The following CDKAL1 variants were observed in gnomAD, a reference collection of about 807,000 sequenced individuals.
CDKAL1 encodes CDKAL1 threonylcarbamoyladenosine tRNA methylthiotransferase, also known as threonylcarbamoyladenosine tRNA methylthiotransferase.
CDKAL1 carries 32 observed loss-of-function variants against 68.2 expected under a neutral mutation model. The observed-to-expected ratio is 0.47, with a 90% CI of 0.35 to 0.63. CDKAL1 has a LOEUF of 0.63. CDKAL1 is among the 30% of genes least tolerant of loss of function. CDKAL1 has a pLI of 0.00. For synonymous variants in CDKAL1, 234 were observed against 244.3 expected (o/e 0.96, Z 0.39); for missense variants, 606 against 696.7 (o/e 0.87, Z 1.47).
At chr6:21,219,923 T>C (rs990034049) in intron 15 of CDKAL1, among the ~76,000 whole-genome samples, 1 of 152,238 alleles carries the variant, frequency 6.6e-6, no homozygotes, top group African/African-American at 2.4e-5. Flanking sequence ...CAGTGCTTCC[T>C]GTGTGCGCTG....
At chr6:20,981,371 C>G (rs553657732) in intron 10 of CDKAL1, among the ~76,000 whole-genome samples, 6 of 152,166 alleles carry the variant, frequency 3.9e-5, no homozygotes, top group Non-Finnish European at 8.8e-5. Context: ...TAGCTTCATA[C>G]TTGGTATATG....
chr6:20,875,913 T>TA (rs1760489420), intron 9 of CDKAL1, among the ~76,000 whole-genome samples: 1 of 152,216 alleles, frequency 6.6e-6, no homozygotes. Flanking sequence ...TAAATAGCTT[T>TA]AAAAATATAA....
intron 12 of CDKAL1, among the ~76,000 whole-genome samples, chr6:21,091,950 G>C (rs1214671144): frequency 7.7e-6 from 1 of 129,398 alleles, no homozygotes; most frequent in Non-Finnish European, 1.5e-5. Flanking sequence ...GCAGTGGCGT[G>C]ATCTCGGCTC....
At chr6:21,098,418 G>T (rs1291767252) in intron 12 of CDKAL1, among the ~76,000 whole-genome samples, 1 of 151,834 alleles carries the variant, frequency 6.6e-6, no homozygotes, top group Non-Finnish European at 1.5e-5. Flanking sequence ...AGATTGAAGT[G>T]TTGTGTCATG....
At chr6:20,843,025 G>T (rs1377226470) in intron 8 of CDKAL1, among the ~76,000 whole-genome samples, 2 of 151,874 alleles carry the variant, frequency 1.3e-5, no homozygotes, top group African/African-American at 2.4e-5. Flanking sequence ...GTGATTTTCC[G>T]TGGGGAATAC....
chr6:21,096,023 T>G (rs776497235), intron 12 of CDKAL1, among the ~76,000 whole-genome samples: 6 of 152,156 alleles, frequency 3.9e-5, no homozygotes, highest in Non-Finnish European at 8.8e-5. Context: ...TTTTTTACAG[T>G]AGGTGCTAAA....
At chr6:20,821,647 T>C (rs1463508220) in intron 8 of CDKAL1, among the ~76,000 whole-genome samples, 4 of 152,068 alleles carry the variant, frequency 2.6e-5, no homozygotes, top group African/African-American at 4.8e-5. Flanking sequence ...GAACAGAGCC[T>C]GGCATAGAGT....
intron 7 of CDKAL1, among the ~76,000 whole-genome samples, chr6:20,772,424 A>G (rs1336306082): frequency 6.6e-6 from 1 of 152,202 alleles, no homozygotes; most frequent in Non-Finnish European, 1.5e-5. Flanking sequence ...AGATAAATTG[A>G]CACCACATAA....
intron 11 of CDKAL1, among the ~76,000 whole-genome samples, chr6:21,059,094 G>A (rs535213307): frequency 6.6e-6 from 1 of 152,182 alleles, no homozygotes; most frequent in Non-Finnish European, 1.5e-5. Context: ...AGATTTCTCT[G>A]TAAACCACTG....
intron 6 of CDKAL1, among the ~76,000 whole-genome samples, chr6:20,743,776 G>A (rs549212595): frequency 1.3e-5 from 2 of 152,304 alleles, no homozygotes; most frequent in East Asian, 3.9e-4. Context: ...GGCTTTGGTG[G>A]CTGTAACCTC....
intron 9 of CDKAL1, among the ~76,000 whole-genome samples, chr6:20,902,082 C>T (rs1035956340): frequency 2.9e-5 from 4 of 136,440 alleles, no homozygotes; most frequent in Admixed American, 7.4e-5. Flanking sequence ...ACCACTGTCC[C>T]CCTGACTTCT....
In CDKAL1 at chr6:20,746,934, G is replaced by A. The variant is rs935223703; in HGVS notation, c.468+7319G>A. Reference sequence around the variant, plus strand: ...AAATATAGCCCTGATGATGTAATTAGATCTCTAGACTTGTCCTACATAACT... The same window carrying A: ...AAATATAGCCCTGATGATGTAATTAAATCTCTAGACTTGTCCTACATAACT... On this transcript the variant is annotated intron_variant, in intron 6 of 15. Transcript: ENST00000274695. Among the ~76,000 whole-genome samples, 4 of 152,132 alleles carry A rather than the reference G, an allele frequency of 2.6e-5. No homozygotes were observed. In the East Asian group the frequency reaches 7.7e-4, roughly 29 times the overall value.
At chr6:21,163,914 A>G (rs6935124) in intron 13 of CDKAL1, among the ~76,000 whole-genome samples, 56,937 of 150,882 alleles carry the variant, frequency 0.38, 11,824 homozygotes, top group African/African-American at 0.55. Flanking sequence ...TCACACCATT[A>G]CACTCCAGCC....
At position 21,007,184 on chromosome 6, in the gene CDKAL1, A is replaced by G. The variant is rs530919586; in HGVS notation, c.1055+6812A>G. 1.7e-4 allele frequency among the ~76,000 whole-genome samples: 26 copies of G among 152,252 alleles called. No individual in the cohort carries two copies. The South Asian group carries it at 5.0e-3, about 29-fold the overall frequency. On this transcript the variant is annotated intron_variant, in intron 11 of 15. Transcript: ENST00000274695. ...CCAGGCATGGTGGCTCATGCCTGTA[A>G]TCCCAGCACTTTCAGAGGCTGAGGC...
At chr6:20,934,077 A>C (rs1431654126) in intron 9 of CDKAL1, among the ~76,000 whole-genome samples, 1 of 152,216 alleles carries the variant, frequency 6.6e-6, no homozygotes, top group Non-Finnish European at 1.5e-5. Context: ...CGATTGACAC[A>C]GGTTGTAAAA....
At chr6:21,022,679 C>G (rs1352739709) in intron 11 of CDKAL1, among the ~76,000 whole-genome samples, 1 of 152,164 alleles carries the variant, frequency 6.6e-6, no homozygotes, top group Non-Finnish European at 1.5e-5. Context: ...CACGGCCTGG[C>G]TGGGAGGCTC....
intron 15 of CDKAL1, among the ~76,000 whole-genome samples, chr6:21,207,875 TTC>T (rs1366526430): frequency 6.6e-6 from 1 of 152,226 alleles, no homozygotes; most frequent in Non-Finnish European, 1.5e-5. Flanking sequence ...AGCCATAGAT[TTC>T]TGACAATGGC....
intron 7 of CDKAL1, among the ~76,000 whole-genome samples, chr6:20,768,580 G>C (rs1581541329): frequency 6.6e-6 from 1 of 152,100 alleles, no homozygotes; most frequent in Non-Finnish European, 1.5e-5. Flanking sequence ...AGTGAAGAGG[G>C]TCTTGAGTAA....
intron 4 of CDKAL1, among the ~76,000 whole-genome samples, chr6:20,614,244 A>G (rs1561967676): frequency 6.6e-6 from 1 of 152,152 alleles, no homozygotes; most frequent in Non-Finnish European, 1.5e-5. Context: ...CATGAAGAAA[A>G]TAATTACTTT....
Sources: gnomAD v4.1 joint callset for allele counts (sites outside exome capture counted in the v4.1 genomes callset) on GRCh38, gnomAD v4.1.1 for gene constraint, MANE v1.5 for transcripts, NCBI Gene and HGNC (gene_info 2026-07-23, HGNC 2026-07-21) for gene names.